The following DOCK3 variants were observed in gnomAD, a reference collection of about 807,000 sequenced individuals.
DOCK3 encodes dedicator of cytokinesis 3.
In DOCK3, 60 loss-of-function variants were observed where a neutral mutation model predicts 265.6. That is an observed-to-expected ratio of 0.23 (90% CI 0.18 to 0.28). The LOEUF (loss-of-function observed/expected upper bound fraction) is 0.28. Among genes scored for constraint, DOCK3 ranks in the 10% least tolerant of loss-of-function variants. The probability of loss-of-function intolerance (pLI) is 1.00; values close to 1 mark genes in which losing one functional copy is unlikely to be tolerated. For missense variants in DOCK3, 1,981 were observed against 2,594.3 expected (o/e 0.76, Z 5.14); for synonymous variants, 881 against 938.0 (o/e 0.94, Z 1.11).
At chr3:50,718,928 C>T (rs1576220045) in intron 1 of DOCK3, among the ~76,000 whole-genome samples, 2 of 151,900 alleles carry the variant, frequency 1.3e-5, no homozygotes. Flanking sequence ...GGACTACAGG[C>T]GCCTGCCACC....
chr3:51,017,392 C>T (rs11715556), intron 5 of DOCK3, among the ~76,000 whole-genome samples: 136,474 of 151,488 alleles, frequency 0.9, 61,717 homozygotes, highest in African/African-American at 0.95. Context: ...TTTCTTTTCA[C>T]TGGCTAACTT....
chr3:51,248,337 C>T (rs546855007), intron 22 of DOCK3, among the ~76,000 whole-genome samples: 7 of 152,358 alleles, frequency 4.6e-5, no homozygotes, highest in African/African-American at 9.6e-5. Flanking sequence ...CAATTGCAGG[C>T]GCGCGCTGCC....
chr3:51,066,522 G>A (rs771197470), intron 6 of DOCK3, among the ~76,000 whole-genome samples: 1 of 152,144 alleles, frequency 6.6e-6, no homozygotes, highest in African/African-American at 2.4e-5. Context: ...GTAGGGAAAT[G>A]ATTTGCCAGC....
chr3:50,959,006 A>G (rs2076809955), intron 5 of DOCK3, among the ~76,000 whole-genome samples: 1 of 152,174 alleles, frequency 6.6e-6, no homozygotes, highest in Non-Finnish European at 1.5e-5. Flanking sequence ...CTATCACCAC[A>G]TCCAGCTTTA....
chr3:50,886,331 T>C (rs1487382104), intron 3 of DOCK3, among the ~76,000 whole-genome samples: 2 of 152,020 alleles, frequency 1.3e-5, no homozygotes, highest in South Asian at 2.1e-4. Context: ...TATCAATTGT[T>C]TTTTTAAAAA....
rs115771520 is a variant in DOCK3, at chr3:51,174,658, G to A, written c.1037+13956G>A. On this transcript the variant is annotated intron_variant, in intron 12 of 52. Coordinates refer to ENST00000266037, the MANE Select transcript of DOCK3 (RefSeq NM_004947.5). ...TAGGGTCATTTATTGGAGCTTCATC[G>A]GTTGCTTTTGGTGGTGTCATGTTTG... Among the ~76,000 whole-genome samples the A allele has an allele frequency of 6.7e-3, 1,019 of 152,138 alleles. 2 individuals carry two copies. The highest frequency in any genetic ancestry group is 8.7e-3 in the African/African-American group (362 of 41,492).
At chr3:51,319,872 A>AAT (rs1164045532) in intron 32 of DOCK3, among the ~76,000 whole-genome samples, 2 of 151,540 alleles carry the variant, frequency 1.3e-5, no homozygotes, top group African/African-American at 2.4e-5. Context: ...TCAAAAAAAA[A>AAT]CAAACAACAA....
chr3:51,153,766 C>T (rs1037292771), intron 10 of DOCK3, among the ~76,000 whole-genome samples: 1 of 152,190 alleles, frequency 6.6e-6, no homozygotes, highest in African/African-American at 2.4e-5. Flanking sequence ...AATACCAAAC[C>T]TCACAATCCC....
chr3:51,338,835 C>A, intron 36 of DOCK3, 100 bp from the exon 37 acceptor site: 1 of 985,708 alleles, frequency 1.0e-6, no homozygotes. Context: ...GGCCTGCCCT[C>A]CCCCTCCTGC....
chr3:50,952,727 A>C (rs1052350611), intron 5 of DOCK3, among the ~76,000 whole-genome samples: 1 of 152,162 alleles, frequency 6.6e-6, no homozygotes, highest in Admixed American at 6.5e-5. Context: ...AGTGGAAAGT[A>C]CATAGGCTTT....
At chr3:50,987,826 C>G (rs2077958921) in intron 5 of DOCK3, among the ~76,000 whole-genome samples, 1 of 152,198 alleles carries the variant, frequency 6.6e-6, no homozygotes, top group Non-Finnish European at 1.5e-5. Context: ...CTTTGCAACT[C>G]TTGGATCAGG....
intron 22 of DOCK3, among the ~76,000 whole-genome samples, chr3:51,251,638 T>C (rs1339026604): frequency 6.6e-6 from 1 of 152,272 alleles, no homozygotes; most frequent in Non-Finnish European, 1.5e-5. Context: ...TGAGCTTTTT[T>C]TCATATGTTG....
intron 27 of DOCK3, among the ~76,000 whole-genome samples, chr3:51,299,124 G>T (rs1169256509): frequency 6.6e-6 from 1 of 152,170 alleles, no homozygotes; most frequent in Non-Finnish European, 1.5e-5. Flanking sequence ...TGACTGGTGT[G>T]AGATGCTGTA....
chr3:51,103,654 T>C (rs536561090), intron 9 of DOCK3, among the ~76,000 whole-genome samples: 35 of 152,344 alleles, frequency 2.3e-4, no homozygotes, highest in African/African-American at 8.2e-4. Context: ...GGTCCTATTC[T>C]AAGTCCCAGA....
In DOCK3 at chr3:51,314,908, T is replaced by G. The variant is rs186182771; in HGVS notation, c.3254-72T>G. 1.6e-4 allele frequency: 234 copies of G among 1,492,656 alleles called. No individual in the cohort carries two copies. The African/African-American group carries it at 3.1e-3, about 20-fold the overall frequency. 92.5% of individuals were successfully genotyped at this position (1,492,656 alleles called of 1,614,324 possible). A position where few individuals can be genotyped will look rare whatever the true frequency, so the allele number is the denominator to read the frequency against. ...TTCCAGTATGGATTGTAGCATGTGT[T>G]GTGGCCCCATTTGGGAATCTTCCAT... On this transcript the variant is annotated intron_variant, in intron 31 of 52. Coordinates refer to ENST00000266037, the MANE Select transcript of DOCK3 (RefSeq NM_004947.5).
chr3:51,286,283 A>T (rs1462503944), intron 27 of DOCK3, among the ~76,000 whole-genome samples: 1 of 152,244 alleles, frequency 6.6e-6, no homozygotes, highest in Admixed American at 6.5e-5. Context: ...CTCTACAAGG[A>T]GAATTACAAA....
At chr3:51,281,815 A>G (rs781186036) in intron 27 of DOCK3, among the ~76,000 whole-genome samples, 4 of 152,014 alleles carry the variant, frequency 2.6e-5, no homozygotes, top group Admixed American at 6.5e-5. Flanking sequence ...GCATTCCCCA[A>G]TTCCTGTGTC....
chr3:50,745,620 C>T (rs1319799403), intron 1 of DOCK3, among the ~76,000 whole-genome samples: 1 of 152,138 alleles, frequency 6.6e-6, no homozygotes, highest in Non-Finnish European at 1.5e-5. Context: ...AAACGCATAA[C>T]ACTGAATTTT....
At chr3:51,056,122 T>C (rs991616089) in intron 5 of DOCK3, among the ~76,000 whole-genome samples, 2 of 152,278 alleles carry the variant, frequency 1.3e-5, no homozygotes, top group African/African-American at 4.8e-5. Flanking sequence ...GAATTAGCTT[T>C]GGTTTAGATA....
Sources: gnomAD v4.1 joint callset for allele counts (sites outside exome capture counted in the v4.1 genomes callset) on GRCh38, gnomAD v4.1.1 for gene constraint, MANE v1.5 for transcripts, NCBI Gene and HGNC (gene_info 2026-07-23, HGNC 2026-07-21) for gene names.